SCARB2: variants seen among roughly 807,000 people sequenced by gnomAD.
The protein encoded by SCARB2 is scavenger receptor class B member 2.
Under a neutral mutation model 58.6 loss-of-function variants are expected in SCARB2, and 29 were observed. The ratio of observed to expected loss-of-function variants is 0.49; its 90% CI spans 0.37 to 0.67. The LOEUF (loss-of-function observed/expected upper bound fraction) is 0.67, where lower values mean the gene tolerates loss of function less well. Ranked by LOEUF, SCARB2 falls within the 30% of genes least tolerant of loss-of-function variation. SCARB2 has a pLI of 0.00. For synonymous variants in SCARB2, 195 were observed against 210.1 expected (o/e 0.93, Z 0.62); for missense variants, 488 against 578.5 (o/e 0.84, Z 1.60).
At chr4:76,200,999 AC>A (rs1437626108) in intron 1 of SCARB2, among the ~76,000 whole-genome samples, 4 of 151,914 alleles carry the variant, frequency 2.6e-5, no homozygotes, top group African/African-American at 9.7e-5. Context: ...CAGATACTCC[AC>A]CCCTGCTCAA....
intron 1 of SCARB2, among the ~76,000 whole-genome samples, chr4:76,203,052 T>C (rs1449308981): frequency 6.6e-6 from 1 of 152,124 alleles, no homozygotes; most frequent in Non-Finnish European, 1.5e-5. Flanking sequence ...AATGCAGTGG[T>C]GCAATCTTGG....
chr4:76,211,743 A>G (rs539309448), intron 1 of SCARB2, among the ~76,000 whole-genome samples: 2 of 152,316 alleles, frequency 1.3e-5, no homozygotes, highest in South Asian at 4.2e-4. Context: ...AAAGCAGAAT[A>G]GCGATGTGTG....
At chr4:76,211,710 C>T (rs1733050849) in intron 1 of SCARB2, among the ~76,000 whole-genome samples, 1 of 152,196 alleles carries the variant, frequency 6.6e-6, no homozygotes, top group Non-Finnish European at 1.5e-5. Context: ...ATGCTACCTA[C>T]CACCCTACAG....
chr4:76,226,802 T>G (rs1733406096), intron 1 of SCARB2, among the ~76,000 whole-genome samples: 1 of 152,214 alleles, frequency 6.6e-6, no homozygotes, highest in African/African-American at 2.4e-5. Context: ...TTTTCTAGTT[T>G]GTGTGAATAA....
At chr4:76,186,828 G>T (rs1732497686) in intron 2 of SCARB2, among the ~76,000 whole-genome samples, 1 of 151,868 alleles carries the variant, frequency 6.6e-6, no homozygotes. Flanking sequence ...GCAGTTTAAG[G>T]ATTTTTTTTT....
intron 1 of SCARB2, among the ~76,000 whole-genome samples, chr4:76,220,658 C>T (rs929798691): frequency 1.3e-5 from 2 of 152,186 alleles, no homozygotes; most frequent in Admixed American, 6.5e-5. Context: ...CATGCTACTA[C>T]AGTGCAGACT....
chr4:76,180,925 A>C, intron 3 of SCARB2, 29 bp downstream of exon 3: 2 of 1,591,556 alleles, frequency 1.3e-6, no homozygotes, highest in South Asian at 2.3e-5. Context: ...TCCAAAATCC[A>C]ACTTAATGGT....
chr4:76,174,042 A>G, intron 7 of SCARB2, 102 bp downstream of exon 7: 1 of 1,398,918 alleles, frequency 7.1e-7, no homozygotes, highest in Non-Finnish European at 1.0e-6. Context: ...AGTAGCTGGG[A>G]CTGTAGGTGT....
intron 1 of SCARB2, 35 bp downstream of exon 1, chr4:76,213,392 A>G (rs1472196270): frequency 1.5e-5 from 21 of 1,416,546 alleles, no homozygotes; most frequent in African/African-American, 4.3e-5. Flanking sequence ...GAGCTGGACG[A>G]CTCCACAACA....
chr4:76,203,339 A>G (rs1157048601), intron 1 of SCARB2, among the ~76,000 whole-genome samples: 1 of 152,198 alleles, frequency 6.6e-6, no homozygotes, highest in Non-Finnish European at 1.5e-5. Context: ...AGAGACAAAA[A>G]GTTTTCATGA....
rs757711231 is a variant in SCARB2, at chr4:76,159,427, A to AAAT, written c.*2285_*2286insATT. On this transcript the variant is annotated 3_prime_UTR_variant, in exon 12 of 12. Coordinates refer to ENST00000264896, the MANE Select transcript of SCARB2 (RefSeq NM_005506.4). ...ATGTGATTTAAACCAAGTAACTATT[A>AAAT]AGAATCATAAAACAGGCCAGGCCCG... The AAAT allele has an allele frequency of 2.6e-5, 4 of 152,364 alleles. No homozygotes were observed. In the East Asian group the frequency reaches 7.7e-4, roughly 29 times the overall value. The allele number at this position is 152,364 out of a possible 1,614,324, so 9.4% of individuals were successfully genotyped here.
rs148865172 is a variant in SCARB2, at chr4:76,223,935, G to A, written c.-358+10368C>T. On this transcript the variant is annotated intron_variant, in intron 1 of 11. Transcript: ENST00000638295. ...TTGGGCTGCTACCCTATCCCTGAGC[G>A]ATGTGTGACACAGTCATGCTGTCTT... Among the ~76,000 whole-genome samples, 111 of 152,254 alleles carry A rather than the reference G, an allele frequency of 7.3e-4. 1 individual carries two copies. The highest frequency in any genetic ancestry group is 2.6e-3 in the African/African-American group (106 of 41,550).
chr4:76,161,808 G>T, intron 11 of SCARB2, 57 bp from the exon 12 acceptor site: 1 of 1,588,480 alleles, frequency 6.3e-7, no homozygotes, highest in Non-Finnish European at 8.6e-7. Flanking sequence ...CTTCTCCCCA[G>T]TGTGAAAAGT....
rs4859630 is a variant in SCARB2, at chr4:76,187,560, T to C, written c.276-6459A>G. On this transcript the variant is annotated intron_variant, in intron 2 of 11. Coordinates refer to ENST00000264896, the MANE Select transcript of SCARB2 (RefSeq NM_005506.4). The stretch of plus-strand genomic sequence containing the variant: ...AAATTCATTTGTATGAAGACCAAAA[T>C]ATAACATTGAAAAATCCTATGCTAT... Among the ~76,000 whole-genome samples the C allele has an allele frequency of 1.6e-3, 244 of 152,308 alleles. 8 individuals carry two copies. Among genetic ancestry groups the C allele is most frequent in the Admixed American group, 0.012 (189 of 15,294 alleles).
chr4:76,182,675 A>G (rs905462121), intron 2 of SCARB2, among the ~76,000 whole-genome samples: 4 of 152,148 alleles, frequency 2.6e-5, no homozygotes, highest in Middle Eastern at 3.2e-3. Context: ...TTAGCATTCA[A>G]TTAGAAACTT....
At chr4:76,165,775 T>C (rs1042279074) in intron 10 of SCARB2, 66 of 153,166 alleles carry the variant, frequency 4.3e-4, no homozygotes, top group Admixed American at 9.1e-4. Flanking sequence ...TTTTTTTTTT[T>C]CCCTCAAACT....
At chr4:76,190,166 G>T (rs145265831) in intron 2 of SCARB2, among the ~76,000 whole-genome samples, 3,492 of 151,916 alleles carry the variant, frequency 0.023, 122 homozygotes, top group African/African-American at 0.08. Context: ...ATGCCACCAC[G>T]CCTGGCTAAT....
chr4:76,197,551 G>A (rs1161444265), intron 1 of SCARB2, among the ~76,000 whole-genome samples: 1 of 152,176 alleles, frequency 6.6e-6, no homozygotes, highest in Non-Finnish European at 1.5e-5. Flanking sequence ...TATAAGCAAC[G>A]AGACTGGGGA....
At chr4:76,205,758 T>C (rs1402760565) in intron 1 of SCARB2, among the ~76,000 whole-genome samples, 1 of 152,200 alleles carries the variant, frequency 6.6e-6, no homozygotes. Flanking sequence ...GCAATATTCA[T>C]TTCTACAGAG....
Sources: gnomAD v4.1 joint callset for allele counts (sites outside exome capture counted in the v4.1 genomes callset) on GRCh38, gnomAD v4.1.1 for gene constraint, MANE v1.5 for transcripts, NCBI Gene and HGNC (gene_info 2026-07-23, HGNC 2026-07-21) for gene names.